Variants in CUL7 observed in about 807,000 individuals in gnomAD.
CUL7 encodes the protein cullin 7.
CUL7 carries 96 observed loss-of-function variants against 177.7 expected under a neutral mutation model. The ratio of observed to expected loss-of-function variants is 0.54; its 90% CI spans 0.46 to 0.64. The LOEUF (loss-of-function observed/expected upper bound fraction) is 0.64. Ranked by LOEUF, CUL7 falls within the 30% of genes least tolerant of loss-of-function variation. The probability of loss-of-function intolerance (pLI) is 0.00; values close to 1 mark genes in which losing one functional copy is unlikely to be tolerated. For synonymous variants in CUL7, 824 were observed against 890.2 expected (o/e 0.93, Z 1.32); for missense variants, 1,893 against 2,187.9 (o/e 0.87, Z 2.69).
chr6:43,048,034 C>A, intron 9 of CUL7, 114 bp downstream of exon 9: 1 of 671,610 alleles, frequency 1.5e-6, no homozygotes, highest in South Asian at 1.6e-5. Flanking sequence ...AAAACTCAAA[C>A]CAAGAGCTCA....
In CUL7 at chr6:43,043,407, G is replaced by A. The variant is rs777764258; in HGVS notation, c.3355+41C>T. ...GTGTACACATGGGGCCCAGGAAAAC[G>A]CTCCTGACTAGAGCTCCCCACCTGA... On this transcript the variant is annotated intron_variant, in intron 17 of 25. Transcript: ENST00000265348. The surrounding 1 kb of genome is among the most constrained non-coding windows in gnomAD (Gnocchi z 4.2). 18 of 1,598,524 alleles carry A rather than the reference G, an allele frequency of 1.1e-5. No individual in the cohort carries two copies. Among genetic ancestry groups the A allele is most frequent in the Middle Eastern group, 2.0e-4 (1 of 4,930 alleles).
chr6:43,042,329 G>GTTTT (rs1561877651), intron 19 of CUL7, among the ~76,000 whole-genome samples: 11 of 151,470 alleles, frequency 7.3e-5, no homozygotes, highest in African/African-American at 2.7e-4. Flanking sequence ...ATTGTGGGGG[G>GTTTT]TTTTTTTGTT....
intron 25 of CUL7, 48 bp from the exon 26 acceptor site, chr6:43,038,059 C>T: frequency 6.4e-7 from 1 of 1,556,150 alleles, no homozygotes; most frequent in East Asian, 2.3e-5. Flanking sequence ...GGCAGCTGAC[C>T]CCTCCTTGCT....
Position 43,053,506 on chromosome 6 carries a change from A to G in CUL7, c.-9+116T>C. ...GGTGGGGGAGAGGGGATTAGGCCCCATAAGCTAGAACCCCGAGGCACGGTA... is the reference window on the plus strand; with the variant it reads ...GGTGGGGGAGAGGGGATTAGGCCCCGTAAGCTAGAACCCCGAGGCACGGTA... On this transcript the variant is annotated intron_variant, in intron 1 of 25. Coordinates refer to ENST00000265348, the MANE Select transcript of CUL7 (RefSeq NM_014780.5). This position sits in a 1 kb window ranked among gnomAD's most constrained non-coding sequence, Gnocchi z 4.1. 1 of 684,086 alleles carries G rather than the reference A, an allele frequency of 1.5e-6. No homozygotes were observed. Among genetic ancestry groups the G allele is most frequent in the Non-Finnish European group, 2.2e-6 (1 of 464,408 alleles). The allele number at this position is 684,086 out of a possible 1,614,324, so 42.4% of individuals were successfully genotyped here.
chr6:43,046,208 TG>T, intron 12 of CUL7, 27 bp downstream of exon 12: 1 of 1,614,054 alleles, frequency 6.2e-7, no homozygotes, highest in African/African-American at 1.3e-5. Flanking sequence ...CACACGTGTG[TG>T]GCAAAGCACA....
intron 15 of CUL7, 56 bp from the exon 16 acceptor site, chr6:43,044,941 A>G (rs1763765143): frequency 1.3e-6 from 2 of 1,597,354 alleles, no homozygotes; most frequent in Non-Finnish European, 8.6e-7. Flanking sequence ...ATGTTATCTC[A>G]GTGTCCACCC....
At chr6:43,049,741 G>A (rs1432712225) in intron 6 of CUL7, 79 bp from the exon 7 acceptor site, 1 of 1,571,892 alleles carries the variant, frequency 6.4e-7, no homozygotes, top group African/African-American at 1.3e-5. Flanking sequence ...AGGGGTGGGG[G>A]TCTCTCTGCA....
At chr6:43,038,169 AACCAGGTGCCTC>A in intron 25 of CUL7, 86 bp downstream of exon 25, 1 of 1,508,304 alleles carries the variant, frequency 6.6e-7, no homozygotes, top group Non-Finnish European at 9.1e-7. Flanking sequence ...CTACACAGTG[AACCAGGTGCCTC>A]ACCACACGTG....
In CUL7 at chr6:43,046,459, G is replaced by C. The variant is rs373181825; in HGVS notation, c.2488+52C>G. On this transcript the variant is annotated intron_variant, in intron 11 of 25. Coordinates refer to ENST00000265348, the MANE Select transcript of CUL7 (RefSeq NM_014780.5). ...GTCACGGTCAGGTAGGGTGTAGAGGGGAAACAGACATAGGTGTGGGGAGGT... is the reference window on the plus strand; with the variant it reads ...GTCACGGTCAGGTAGGGTGTAGAGGCGAAACAGACATAGGTGTGGGGAGGT... 3.5e-4 allele frequency: 573 copies of C among 1,614,118 alleles called. 1 individual carries two copies. Among genetic ancestry groups the C allele is most frequent in the Non-Finnish European group, 3.6e-4 (419 of 1,180,012 alleles).
Position 43,051,583 on chromosome 6 carries a change from T to C in CUL7, c.732+29A>G. 6.2e-7 allele frequency: 1 copy of C among 1,614,008 alleles called. No individual in the cohort carries two copies. Among genetic ancestry groups the C allele is most frequent in the Non-Finnish European group, 8.5e-7 (1 of 1,180,006 alleles). On this transcript the variant is annotated intron_variant, in intron 3 of 25. Coordinates refer to ENST00000265348, the MANE Select transcript of CUL7 (RefSeq NM_014780.5). This position sits in a 1 kb window ranked among gnomAD's most constrained non-coding sequence, Gnocchi z 5.0. ...TGGACCCTAGATCTTGTTCACAAGT[T>C]CCCCCCACCTTACACCCCCAAAGGT...
Position 43,040,410 on chromosome 6 carries a change from C to T in CUL7, c.4040G>A (p.Ser1347Asn), listed in dbSNP as rs1460843738. The T allele has an allele frequency of 1.2e-6, 2 of 1,612,800 alleles. No individual in the cohort carries two copies. The highest frequency in any genetic ancestry group is 1.7e-6 in the Non-Finnish European group (2 of 1,180,044). Residue 1347 changes from serine (S) to asparagine (N), a missense_variant, in exon 22 of 26, where the codon AGT becomes AAT. By Grantham distance (46) the Ser-to-Asn change is conservative. Around this residue, in one of 5 missense-constraint regions of CUL7, gnomAD observed 973 missense variants for 1,140.9 expected, o/e 0.85. Transcript: ENST00000265348. This position sits in a 1 kb window ranked among gnomAD's most constrained non-coding sequence, Gnocchi z 4.2. ...EKKIQVGLGA[S>N]GKEHKSEKEE... is the part of the protein sequence containing the mutation. ...CTTCTCGCTCTTGTGCTCCTTGCCACTGGCCCCAAGGCCCACCTGAAGGAG... is the reference window on the plus strand; with the variant it reads ...CTTCTCGCTCTTGTGCTCCTTGCCATTGGCCCCAAGGCCCACCTGAAGGAG...
In CUL7 at chr6:43,049,452, C is replaced by A. The variant is rs141065679; in HGVS notation, c.1780G>T (p.Ala594Ser). 1.2e-6 allele frequency: 2 copies of A among 1,614,100 alleles called. No individual in the cohort carries two copies. Among genetic ancestry groups the A allele is most frequent in the Middle Eastern group, 1.6e-4 (1 of 6,084 alleles). Reference sequence around the variant, plus strand: ...TCTGAGTCCTTAGCCTGGGCCTGCGCGTCTAGCAGGAGGACATCTTCTTGG... The same window carrying A: ...TCTGAGTCCTTAGCCTGGGCCTGCGAGTCTAGCAGGAGGACATCTTCTTGG... ...EAQEDVLLLDAQAQAKDSEDA... is the reference protein window; with the variant it reads ...EAQEDVLLLDSQAQAKDSEDA... Residue 594 changes from alanine (A) to serine (S), a missense_variant, in exon 7 of 26, where the codon GCG (alanine) becomes TCG (serine). Coordinates refer to ENST00000265348, the MANE Select transcript of CUL7 (RefSeq NM_014780.5).
At chr6:43,049,318 G>T in intron 7 of CUL7, 89 bp downstream of exon 7, 2 of 1,572,390 alleles carry the variant, frequency 1.3e-6, no homozygotes, top group Non-Finnish European at 1.7e-6. Context: ...ATCACTTCCA[G>T]AAAGGATTGC....
chr6:43,044,637 C>T (rs1763732150), intron 16 of CUL7, 115 bp downstream of exon 16: 32 of 1,414,192 alleles, frequency 2.3e-5, no homozygotes, highest in Non-Finnish European at 2.9e-5. Flanking sequence ...ATTACAAATG[C>T]AGGTGCCAAA....
chr6:43,041,701 G>A (rs542354912), intron 19 of CUL7, among the ~76,000 whole-genome samples: 2 of 147,930 alleles, frequency 1.4e-5, no homozygotes, highest in African/African-American at 4.9e-5. Flanking sequence ...GGGAAGGGAA[G>A]GGGAAGGGAA....
rs35607536 is a variant in CUL7, at chr6:43,044,497, C to CA, written c.3172+254dup. 2.4e-3 allele frequency among the ~76,000 whole-genome samples: 320 copies of CA among 133,400 alleles called. 1 individual carries two copies. The highest frequency in any genetic ancestry group is 7.8e-3 in the Middle Eastern group (2 of 258). 87.5% of individuals were successfully genotyped at this position (133,400 alleles called of 152,430 possible). Reference sequence around the variant, plus strand: ...GTGGGTAACGAGCGAAAATCTGTCTCAAAAAAAAAAAAAAGAAGAATGATA... The same window carrying CA: ...GTGGGTAACGAGCGAAAATCTGTCTCAAAAAAAAAAAAAAAGAAGAATGATA... On this transcript the variant is annotated intron_variant, in intron 16 of 25. Coordinates refer to ENST00000265348, the MANE Select transcript of CUL7 (RefSeq NM_014780.5).
rs747310242 is a variant in CUL7, at chr6:43,046,099, T to A, written c.2661-8A>T. 1 of 1,613,612 alleles carries A rather than the reference T, an allele frequency of 6.2e-7. No individual in the cohort carries two copies. The highest frequency in any genetic ancestry group is 1.1e-5 in the South Asian group (1 of 91,058). ...ACAAGCAGAGTCAGTTGCCTGGGAG[T>A]GGGGAGGAAAAACCATTTGGAACTT... On this transcript the variant is annotated splice_region_variant and splice_polypyrimidine_tract_variant and intron_variant, in intron 12 of 25. Coordinates refer to ENST00000265348, the MANE Select transcript of CUL7 (RefSeq NM_014780.5).
intron 7 of CUL7, among the ~76,000 whole-genome samples, chr6:43,048,837 G>A (rs1375011965): frequency 6.6e-6 from 1 of 150,508 alleles, no homozygotes; most frequent in African/African-American, 2.4e-5. Flanking sequence ...GCATGATCTC[G>A]GCTCACTGCA....
At position 43,052,890 on chromosome 6, in the gene CUL7, A is replaced by G; in HGVS notation, c.-8-94T>C. 1 of 1,345,128 alleles carries G rather than the reference A, an allele frequency of 7.4e-7. No individual in the cohort carries two copies. The highest frequency in any genetic ancestry group is 1.0e-6 in the Non-Finnish European group (1 of 973,642). 83.3% of individuals were successfully genotyped at this position (1,345,128 alleles called of 1,614,324 possible). ...AGGAGGTGGGGAAGCAAATGGCAAC[A>G]GCTGTCAGGCGGGGTGGGGTAAAGC... On this transcript the variant is annotated intron_variant, in intron 1 of 25. Transcript: ENST00000265348. The surrounding 1 kb of genome is among the most constrained non-coding windows in gnomAD (Gnocchi z 4.5).
Sources: gnomAD v4.1 joint callset for allele counts (sites outside exome capture counted in the v4.1 genomes callset) on GRCh38, gnomAD v4.1.1 for gene constraint, gnomAD v4.1.1 regional missense constraint, Gnocchi (gnomAD v3.1) non-coding constraint, MANE v1.5 for transcripts, NCBI Gene and HGNC (gene_info 2026-07-23, HGNC 2026-07-21) for gene names.